The following SLC12A8 variants were observed in gnomAD, a reference collection of about 807,000 sequenced individuals.
SLC12A8 encodes cation-chloride cotransporter 9.
In SLC12A8, 69 loss-of-function variants were observed where a neutral mutation model predicts 75.6. The ratio of observed to expected loss-of-function variants is 0.91; its 90% CI spans 0.75 to 1.11. The LOEUF (loss-of-function observed/expected upper bound fraction) is 1.11, where lower values mean the gene tolerates loss of function less well. Ranked by LOEUF, SLC12A8 falls within the 50% of genes most tolerant of loss-of-function variation. The pLI, the probability that SLC12A8 is intolerant of heterozygous loss-of-function variation, is 0.00. For synonymous variants in SLC12A8, 365 were observed against 372.8 expected, an observed-to-expected ratio of 0.98 and a Z score of 0.24; for missense variants, 877 against 896.7, an observed-to-expected ratio of 0.98 and a Z score of 0.28.
intron 6 of SLC12A8, among the ~76,000 whole-genome samples, chr3:125,124,343 T>C (rs1414057612): frequency 6.6e-6 from 1 of 152,132 alleles, no homozygotes; most frequent in Admixed American, 6.5e-5. Flanking sequence ...GATTTTTTTT[T>C]TGAGATGGAG....
At chr3:125,123,365 T>G (rs1181752385) in intron 6 of SLC12A8, among the ~76,000 whole-genome samples, 1 of 79,148 alleles carries the variant, frequency 1.3e-5, no homozygotes, top group Non-Finnish European at 2.3e-5. Flanking sequence ...CAGAGATCCA[T>G]CTCAGGAAAA....
chr3:125,152,984 G>C (rs953849373), intron 5 of SLC12A8, among the ~76,000 whole-genome samples: 2 of 152,166 alleles, frequency 1.3e-5, no homozygotes, highest in African/African-American at 4.8e-5. Flanking sequence ...AGGCGGAACA[G>C]GTGTGTGTGC....
At chr3:125,139,495 C>A (rs1417642880) in intron 5 of SLC12A8, among the ~76,000 whole-genome samples, 1 of 152,182 alleles carries the variant, frequency 6.6e-6, no homozygotes, top group Non-Finnish European at 1.5e-5. Context: ...TCACCTATCA[C>A]CACCCCACCT....
At chr3:125,120,268 C>T (rs559023299) in intron 7 of SLC12A8, among the ~76,000 whole-genome samples, 63 of 145,830 alleles carry the variant, frequency 4.3e-4, no homozygotes, top group Non-Finnish European at 5.7e-4. Flanking sequence ...ATCCTGGAAA[C>T]TCGGTGGTTA....
chr3:125,208,169 C>T (rs1473139214), intron 2 of SLC12A8, among the ~76,000 whole-genome samples: 1 of 152,196 alleles, frequency 6.6e-6, no homozygotes, highest in African/African-American at 2.4e-5. Context: ...GCCAGAAGTT[C>T]GGTGGGTCTC....
At chr3:125,178,718 CT>C (rs1934590819) in intron 4 of SLC12A8, among the ~76,000 whole-genome samples, 1 of 152,132 alleles carries the variant, frequency 6.6e-6, no homozygotes, top group Non-Finnish European at 1.5e-5. Flanking sequence ...CAATCTTATC[CT>C]AACATTTATT....
intron 9 of SLC12A8, among the ~76,000 whole-genome samples, chr3:125,109,784 G>A (rs1939143377): frequency 6.6e-6 from 1 of 152,094 alleles, no homozygotes; most frequent in Non-Finnish European, 1.5e-5. Context: ...GAAACTCAAG[G>A]GCAGAGTTAG....
At chr3:125,129,845 G>A (rs1427323336) in intron 6 of SLC12A8, among the ~76,000 whole-genome samples, 1 of 152,226 alleles carries the variant, frequency 6.6e-6, no homozygotes. Context: ...TGCCTATTGT[G>A]TTTACAATTG....
At chr3:125,087,981 T>A in intron 13 of SLC12A8, 1 of 266,186 alleles carries the variant, frequency 3.8e-6, no homozygotes, top group East Asian at 7.2e-5. Flanking sequence ...TATGCATTGA[T>A]GTGAATGTGT....
intron 5 of SLC12A8, among the ~76,000 whole-genome samples, chr3:125,162,626 C>T (rs1370679823): frequency 6.6e-6 from 1 of 152,196 alleles, no homozygotes; most frequent in African/African-American, 2.4e-5. Flanking sequence ...AAGTGGCAGG[C>T]GGGACATGGT....
chr3:125,096,153 A>G (rs944857892), intron 10 of SLC12A8, among the ~76,000 whole-genome samples: 2 of 152,132 alleles, frequency 1.3e-5, no homozygotes, highest in Admixed American at 1.3e-4. Flanking sequence ...TTTACATGCC[A>G]GGTCCTCTAC....
intron 5 of SLC12A8, among the ~76,000 whole-genome samples, chr3:125,147,536 AG>A (rs34401843): frequency 0.16 from 24,092 of 152,116 alleles, 2,305 homozygotes; most frequent in East Asian, 0.36. Flanking sequence ...GGAATCCTCA[AG>A]GTCAGAGACA....
chr3:125,154,187 C>T (rs1318264735), intron 5 of SLC12A8, among the ~76,000 whole-genome samples: 1 of 152,228 alleles, frequency 6.6e-6, no homozygotes, highest in Non-Finnish European at 1.5e-5. Flanking sequence ...CTTTAACTAC[C>T]GTCCCCTTTC....
At chr3:125,201,609 CA>C (rs1441653838) in intron 2 of SLC12A8, among the ~76,000 whole-genome samples, 1 of 144,614 alleles carries the variant, frequency 6.9e-6, no homozygotes, top group Non-Finnish European at 1.5e-5. Context: ...CCTGCCTCTA[CA>C]AAATATTTTT....
chr3:125,195,269 C>T (rs1451678101), intron 2 of SLC12A8, among the ~76,000 whole-genome samples: 1 of 152,234 alleles, frequency 6.6e-6, no homozygotes, highest in African/African-American at 2.4e-5. Context: ...ATCTCTAACC[C>T]CTGCCCAGCC....
chr3:125,102,191 G>A (rs749923121), intron 10 of SLC12A8, among the ~76,000 whole-genome samples: 1 of 152,212 alleles, frequency 6.6e-6, no homozygotes, highest in Non-Finnish European at 1.5e-5. Flanking sequence ...GGTCTTAAAA[G>A]TCAGATGGAT....
At chr3:125,138,845 AACACACACACACACACAC>A (rs3061221) in intron 5 of SLC12A8, among the ~76,000 whole-genome samples, 8 of 137,746 alleles carry the variant, frequency 5.8e-5, no homozygotes, top group East Asian at 2.1e-4. Context: ...CCTTCTACAA[AACACACACACACACACAC>A]ACACACACAC....
chr3:125,174,186 C>T (rs1263405014), intron 5 of SLC12A8, among the ~76,000 whole-genome samples: 1 of 152,188 alleles, frequency 6.6e-6, no homozygotes. Flanking sequence ...ACAAACACTT[C>T]ACCAAAGGTG....
intron 4 of SLC12A8, among the ~76,000 whole-genome samples, chr3:125,178,600 T>C (rs1285825786): frequency 6.6e-6 from 1 of 152,192 alleles, no homozygotes; most frequent in Admixed American, 6.5e-5. Flanking sequence ...ACCTTATGGA[T>C]TTTTTTCCAG....
Sources: gnomAD v4.1 joint callset for allele counts (sites outside exome capture counted in the v4.1 genomes callset) on GRCh38, gnomAD v4.1.1 for gene constraint, MANE v1.5 for transcripts, NCBI Gene and HGNC (gene_info 2026-07-23, HGNC 2026-07-21) for gene names.